NCS1: variants seen among roughly 807,000 people sequenced by gnomAD.
The protein encoded by NCS1 is neuronal calcium sensor 1.
Under a neutral mutation model 28.4 loss-of-function variants are expected in NCS1, and 6 were observed. The observed-to-expected ratio is 0.21, with a 90% CI of 0.12 to 0.42. The LOEUF is 0.42. NCS1 is among the 10% of genes least tolerant of loss of function. The pLI is 1.00. For synonymous variants in NCS1, 86 were observed against 99.3 expected, an observed-to-expected ratio of 0.87 and a Z score of 0.79; for missense variants, 131 against 241.4, an observed-to-expected ratio of 0.54 and a Z score of 3.03.
rs551995419 is a variant in NCS1 at position 130,232,800 on chromosome 9, A to T, written c.*18-190A>T. 1.3e-4 allele frequency among the ~76,000 whole-genome samples: 19 copies of T among 147,310 alleles called. No individual in the cohort carries two copies. The highest frequency in any genetic ancestry group is 4.6e-4 in the African/African-American group (18 of 39,294). ...GACTCCAACTCAAAAAAAAGCAAAC[A>T]AAAAAAAACCAAAAAACCCAAAGGG... On this transcript the variant is annotated intron_variant, in intron 7 of 7. Coordinates refer to ENST00000372398, the MANE Select transcript of NCS1 (RefSeq NM_014286.4). This position sits in a 1 kb window ranked among gnomAD's most constrained non-coding sequence, Gnocchi z 4.4.
chr9:130,188,480 T>TGGCTCGATCTC (rs71499222), intron 1 of NCS1, among the ~76,000 whole-genome samples: 102,081 of 145,090 alleles, frequency 0.7, 36,512 homozygotes, highest in East Asian at 0.89. Context: ...TGGAGTGCAA[T>TGGCTCGATCTC]GGCTCGATCT....
chr9:130,188,491 C>T (rs1363491573), intron 1 of NCS1, among the ~76,000 whole-genome samples: 2 of 144,164 alleles, frequency 1.4e-5, no homozygotes, highest in African/African-American at 5.2e-5. Flanking sequence ...GGCTCGATCT[C>T]GGCGGAGCCT....
chr9:130,212,860 G>A (rs1833131238), intron 2 of NCS1, among the ~76,000 whole-genome samples: 2 of 152,122 alleles, frequency 1.3e-5, no homozygotes, highest in Non-Finnish European at 1.5e-5. Context: ...TCAGCCAGCC[G>A]GTGGCAGATG....
intron 1 of NCS1, among the ~76,000 whole-genome samples, chr9:130,188,245 G>C (rs933200366): frequency 9.8e-5 from 15 of 152,320 alleles, no homozygotes; most frequent in Non-Finnish European, 2.1e-4. Context: ...TGTGGTTCCT[G>C]AACTCGCCAG....
At chr9:130,221,403 T>TAG (rs1261194261) in intron 4 of NCS1, among the ~76,000 whole-genome samples, 24 of 42,280 alleles carry the variant, frequency 5.7e-4, no homozygotes, top group African/African-American at 1.6e-3. Flanking sequence ...TATATATATA[T>TAG]ATATATATAT....
intron 1 of NCS1, among the ~76,000 whole-genome samples, chr9:130,174,790 C>CAAGAAAAAAAAA (rs1832538841): frequency 1.1e-5 from 1 of 91,580 alleles, no homozygotes; most frequent in Non-Finnish European, 1.9e-5. Context: ...ACTCTGTCTC[C>CAAGAAAAAAAAA]AAAAAAAAAA....
intron 2 of NCS1, among the ~76,000 whole-genome samples, chr9:130,205,959 T>A (rs1443320062): frequency 2.0e-5 from 3 of 152,158 alleles, no homozygotes; most frequent in African/African-American, 7.2e-5. Context: ...TAGGAGATGG[T>A]TGAACCAATG....
In NCS1 at chr9:130,217,872, G is replaced by C; in HGVS notation, c.130G>C (p.Asp44His). The C allele has an allele frequency of 6.2e-7, 1 of 1,614,166 alleles. No homozygotes were observed. The highest frequency in any genetic ancestry group is 8.5e-7 in the Non-Finnish European group (1 of 1,180,014). ...FIKDCPSGQL[D>H]AAGFQKIYKQ... ...CAAGGACTGCCCCAGTGGGCAGCTGGATGCGGCAGGCTTCCAGAAGATCTA... is the reference window on the plus strand; with the variant it reads ...CAAGGACTGCCCCAGTGGGCAGCTGCATGCGGCAGGCTTCCAGAAGATCTA... Residue 44 changes from aspartate (D) to histidine (H), a missense_variant, in exon 3 of 8, where the codon GAT becomes CAT. Asp to His is a moderately conservative substitution (Grantham distance 81). Around this residue, in one of 2 missense-constraint regions of NCS1, gnomAD observed 100 missense variants for 210.3 expected, o/e 0.48. Transcript: ENST00000372398.
chr9:130,210,127 G>A (rs577666516), intron 2 of NCS1, among the ~76,000 whole-genome samples: 9 of 152,054 alleles, frequency 5.9e-5, no homozygotes, highest in South Asian at 2.1e-4. Flanking sequence ...CCGGCCAGGC[G>A]CGATGGCTCA....
intron 2 of NCS1, among the ~76,000 whole-genome samples, chr9:130,212,118 C>G (rs115356167): frequency 6.6e-6 from 1 of 152,118 alleles, no homozygotes; most frequent in Non-Finnish European, 1.5e-5. Flanking sequence ...GCAAAGTGGG[C>G]GGGATTGGCC....
chr9:130,185,838 G>GC (rs1319726982), intron 1 of NCS1, among the ~76,000 whole-genome samples: 1 of 152,276 alleles, frequency 6.6e-6, no homozygotes, highest in Non-Finnish European at 1.5e-5. Flanking sequence ...ACACAGCCTT[G>GC]CCGGGCCATT....
chr9:130,174,863 A>G (rs185980584), intron 1 of NCS1, among the ~76,000 whole-genome samples: 1 of 150,912 alleles, frequency 6.6e-6, no homozygotes, highest in African/African-American at 2.4e-5. Context: ...GGTGGATTCT[A>G]AATGGGAAGG....
rs906118824 is a variant in NCS1, at chr9:130,226,256, G to A, written c.475-133G>A. ...GAGGTCTGTCTGGTGCTGGCTGCTTGTAGGCCCTGAGCCACGTTGCCTCCC... is the reference window on the plus strand; with the variant it reads ...GAGGTCTGTCTGGTGCTGGCTGCTTATAGGCCCTGAGCCACGTTGCCTCCC... On this transcript the variant is annotated intron_variant, in intron 6 of 7. Transcript: ENST00000372398. This position sits in a 1 kb window ranked among gnomAD's most constrained non-coding sequence, Gnocchi z 4.8. 10 of 739,206 alleles carry A rather than the reference G, an allele frequency of 1.4e-5. No individual in the cohort carries two copies. Among genetic ancestry groups the A allele is most frequent in the African/African-American group, 5.2e-5 (3 of 57,598 alleles). 45.8% of individuals were successfully genotyped at this position (739,206 alleles called of 1,614,324 possible). A position where few individuals can be genotyped will look rare whatever the true frequency, so the allele number is the denominator to read the frequency against.
Position 130,226,129 on chromosome 9 carries a change from C to T in NCS1, c.475-260C>T, listed in dbSNP as rs1464279470. 2.6e-5 allele frequency among the ~76,000 whole-genome samples: 4 copies of T among 152,202 alleles called. No homozygotes were observed. The highest frequency in any genetic ancestry group is 1.3e-4 in the Admixed American group (2 of 15,280). On this transcript the variant is annotated intron_variant, in intron 6 of 7. Transcript: ENST00000372398. This position sits in a 1 kb window ranked among gnomAD's most constrained non-coding sequence, Gnocchi z 4.8. The stretch of plus-strand genomic sequence containing the variant: ...AGTTGGTCAAGCACAGAGCTGTCAC[C>T]CGAGTGCCTGGAGGAAGCCAGGTAA...
intron 1 of NCS1, among the ~76,000 whole-genome samples, chr9:130,187,592 C>T (rs1479013183): frequency 2.0e-5 from 3 of 152,164 alleles, no homozygotes; most frequent in Admixed American, 6.5e-5. Flanking sequence ...CTCGGTGTTT[C>T]GGAAGCAGAT....
At chr9:130,179,571 C>T (rs554024207) in intron 1 of NCS1, among the ~76,000 whole-genome samples, 1 of 152,126 alleles carries the variant, frequency 6.6e-6, no homozygotes, top group Non-Finnish European at 1.5e-5. Flanking sequence ...TTTTGAAAGG[C>T]TTTTGATTAA....
intron 4 of NCS1, among the ~76,000 whole-genome samples, chr9:130,221,759 A>T (rs570373891): frequency 3.1e-4 from 44 of 140,580 alleles, no homozygotes; most frequent in Non-Finnish European, 5.9e-4. Context: ...TAAATAAATA[A>T]ATATATATAT....
intron 2 of NCS1, among the ~76,000 whole-genome samples, chr9:130,213,346 C>T (rs948928038): frequency 2.6e-5 from 4 of 152,052 alleles, no homozygotes; most frequent in Non-Finnish European, 5.9e-5. Context: ...GGCGTGATCT[C>T]GGCTCACTGC....
At chr9:130,184,088 G>A (rs1043226400) in intron 1 of NCS1, among the ~76,000 whole-genome samples, 2 of 152,228 alleles carry the variant, frequency 1.3e-5, no homozygotes, top group South Asian at 2.1e-4. Context: ...GGGATTACAG[G>A]TGTGAGCCAC....
Sources: gnomAD v4.1 joint callset for allele counts (sites outside exome capture counted in the v4.1 genomes callset) on GRCh38, gnomAD v4.1.1 for gene constraint, gnomAD v4.1.1 regional missense constraint, Gnocchi (gnomAD v3.1) non-coding constraint, MANE v1.5 for transcripts, NCBI Gene and HGNC (gene_info 2026-07-23, HGNC 2026-07-21) for gene names.